Variants in RNF38 observed in about 807,000 individuals in gnomAD.
The protein encoded by RNF38 is E3 ubiquitin-protein ligase RNF38.
In RNF38, 15 loss-of-function variants were observed where a neutral mutation model predicts 67.2. The observed-to-expected ratio is 0.22, with a 90% CI of 0.15 to 0.34. The LOEUF (loss-of-function observed/expected upper bound fraction) is 0.34, where lower values mean the gene tolerates loss of function less well. RNF38 is among the 10% of genes least tolerant of loss of function. RNF38 has a pLI of 1.00. For synonymous variants in RNF38, 220 were observed against 218.8 expected, an observed-to-expected ratio of 1.01 and a Z score of -0.05; for missense variants, 524 against 639.9, an observed-to-expected ratio of 0.82 and a Z score of 1.95.
intron 2 of RNF38, among the ~76,000 whole-genome samples, chr9:36,408,895 T>G (rs901867142): frequency 6.6e-6 from 1 of 152,166 alleles, no homozygotes; most frequent in African/African-American, 2.4e-5. Flanking sequence ...ATAAATGATG[T>G]TATGCACATG....
chr9:36,444,630 T>A (rs374194258), intron 1 of RNF38, among the ~76,000 whole-genome samples: 1 of 152,054 alleles, frequency 6.6e-6, no homozygotes, highest in Non-Finnish European at 1.5e-5. Context: ...TGAAATCCCA[T>A]CTCTACCAAA....
chr9:36,464,626 T>C (rs1839818099), intron 1 of RNF38, among the ~76,000 whole-genome samples: 1 of 151,784 alleles, frequency 6.6e-6, no homozygotes, highest in Middle Eastern at 3.4e-3. Context: ...TATCTACTCA[T>C]GTAACCCTAA....
At chr9:36,433,618 C>T (rs1381700604) in intron 1 of RNF38, among the ~76,000 whole-genome samples, 6 of 143,712 alleles carry the variant, frequency 4.2e-5, no homozygotes, top group Non-Finnish European at 9.0e-5. Context: ...ACCTGGGAGG[C>T]GGAAGTTGTA....
chr9:36,482,707 C>T (rs1840304111), intron 1 of RNF38, among the ~76,000 whole-genome samples: 1 of 152,130 alleles, frequency 6.6e-6, no homozygotes, highest in Admixed American at 6.5e-5. Flanking sequence ...AGCCTCATAA[C>T]AAAGTTTACT....
chr9:36,406,685 G>A (rs144503985), intron 2 of RNF38, among the ~76,000 whole-genome samples: 95 of 152,308 alleles, frequency 6.2e-4, no homozygotes, highest in African/African-American at 2.0e-3. Flanking sequence ...CTGATTCTAC[G>A]TTTCTCGCTT....
chr9:36,421,145 C>G (rs1587107849), intron 2 of RNF38, among the ~76,000 whole-genome samples: 1 of 152,148 alleles, frequency 6.6e-6, no homozygotes, highest in African/African-American at 2.4e-5. Context: ...TAAGAAAAAT[C>G]ATCTTTTCTT....
chr9:36,352,688 G>C (rs1001983530), intron 8 of RNF38, 54 bp downstream of exon 8: 1 of 1,246,246 alleles, frequency 8.0e-7, no homozygotes. Context: ...ACAAAGGAAA[G>C]AGAATCTCAA....
chr9:36,394,043 G>A (rs1000475900), intron 1 of RNF38, among the ~76,000 whole-genome samples: 6 of 152,152 alleles, frequency 3.9e-5, no homozygotes, highest in Non-Finnish European at 8.8e-5. Flanking sequence ...TTGGGAGGCC[G>A]AGGCGGGCAG....
At chr9:36,362,460 A>G (rs1164389076) in intron 4 of RNF38, among the ~76,000 whole-genome samples, 3 of 78,224 alleles carry the variant, frequency 3.8e-5, no homozygotes, top group Non-Finnish European at 8.1e-5. Context: ...AAGCACGAAC[A>G]TCAAGACTAC....
intron 2 of RNF38, among the ~76,000 whole-genome samples, chr9:36,388,847 A>G (rs1836846294): frequency 6.6e-6 from 1 of 152,176 alleles, no homozygotes; most frequent in Admixed American, 6.5e-5. Flanking sequence ...AAAGCATAAC[A>G]CATTAAGGGA....
chr9:36,400,578 C>T, upstream of RNF38: 7 of 987,020 alleles, frequency 7.1e-6, no homozygotes, highest in Non-Finnish European at 8.4e-6. Context: ...TCCGCCCTGC[C>T]GGGCAGCTCC....
chr9:36,346,954 C>A (rs1198011317), intron 9 of RNF38, among the ~76,000 whole-genome samples: 2 of 151,924 alleles, frequency 1.3e-5, no homozygotes, highest in African/African-American at 2.4e-5. Flanking sequence ...CCCGTCTCTA[C>A]TAAAATTACA....
In RNF38 at chr9:36,357,934, T is replaced by C. The variant is rs1170581710; in HGVS notation, c.579A>G (p.Gln193=). 1.2e-6 allele frequency: 2 copies of C among 1,611,502 alleles called. No homozygotes were observed. Among genetic ancestry groups the C allele is most frequent in the Non-Finnish European group, 1.7e-6 (2 of 1,178,702 alleles). ...CTGTGTAAGAAACAGGGACTGTTCC[T>C]TGATGGAGCTTTAAAGGAAAAAACA... ...VMVDIHDQLH[Q]GTVPVSYTVT... The change falls in exon 5 of 12, where the codon CAA becomes CAG. Residue 193 remains glutamine (Q), a synonymous_variant. Transcript: ENST00000259605.
At chr9:36,482,139 T>C (rs1587223243) in intron 1 of RNF38, among the ~76,000 whole-genome samples, 1 of 147,184 alleles carries the variant, frequency 6.8e-6, no homozygotes, top group Non-Finnish European at 1.5e-5. Context: ...CAGCAACCTC[T>C]GCCTCCTGGG....
intron 2 of RNF38, among the ~76,000 whole-genome samples, chr9:36,382,924 G>T (rs1350058148): frequency 6.6e-6 from 1 of 152,000 alleles, no homozygotes; most frequent in Non-Finnish European, 1.5e-5. Flanking sequence ...AAATGCAAAG[G>T]GCCCAGGAAG....
At chr9:36,400,026 G>T in intron 1 of RNF38, 71 bp downstream of exon 1, 2 of 1,380,180 alleles carry the variant, frequency 1.4e-6, no homozygotes, top group South Asian at 1.2e-5. Context: ...ACTTACGGTA[G>T]AATTAGCATA....
chr9:36,393,855 G>A (rs1446925060), intron 1 of RNF38, among the ~76,000 whole-genome samples: 1 of 152,072 alleles, frequency 6.6e-6, no homozygotes, highest in African/African-American at 2.4e-5. Flanking sequence ...ATGTGGCAGG[G>A]GCTTGAGGGC....
intron 4 of RNF38, among the ~76,000 whole-genome samples, chr9:36,358,694 T>C (rs979393849): frequency 2.6e-5 from 4 of 152,158 alleles, no homozygotes; most frequent in Non-Finnish European, 5.9e-5. Context: ...CTTTTGCCAA[T>C]ATAAACACAA....
chr9:36,377,188 T>C (rs957143616), intron 2 of RNF38, among the ~76,000 whole-genome samples: 14 of 152,148 alleles, frequency 9.2e-5, no homozygotes, highest in Admixed American at 9.2e-4. Flanking sequence ...AAGTTACAAA[T>C]TGACTGAAAA....
Sources: gnomAD v4.1 joint callset for allele counts (sites outside exome capture counted in the v4.1 genomes callset) on GRCh38, gnomAD v4.1.1 for gene constraint, MANE v1.5 for transcripts, NCBI Gene and HGNC (gene_info 2026-07-23, HGNC 2026-07-21) for gene names.